Variants in CFAP263 observed in about 807,000 individuals in gnomAD.
CFAP263 encodes the protein cilia- and flagella-associated protein 263.
chr16:58,272,710 G>A, the CFAP263 span, among the ~76,000 whole-genome samples: 3 of 150,768 alleles, frequency 2.0e-5, no homozygotes, highest in African/African-American at 7.3e-5. Context: ...GTTCCAGGTT[G>A]GCCATTGGGA....
the CFAP263 span, chr16:58,252,634 A>C: frequency 1.8e-6 from 2 of 1,087,490 alleles, no homozygotes; most frequent in Non-Finnish European, 2.7e-6. Context: ...CCAAGGGGCT[A>C]ACGGGTTTTG....
the CFAP263 span, among the ~76,000 whole-genome samples, chr16:58,261,540 A>G: frequency 6.6e-6 from 1 of 152,230 alleles, no homozygotes; most frequent in Non-Finnish European, 1.5e-5. Context: ...GTATATGTGT[A>G]ATTGTATACA....
the CFAP263 span, among the ~76,000 whole-genome samples, chr16:58,261,011 G>A: frequency 0.012 from 1,864 of 152,246 alleles, 12 homozygotes; most frequent in Non-Finnish European, 0.018. Context: ...GACCAAGGAA[G>A]GGGTAGCCTT....
At chr16:58,278,085 T>TTA in the CFAP263 span, among the ~76,000 whole-genome samples, 16 of 152,074 alleles carry the variant, frequency 1.1e-4, no homozygotes, top group Non-Finnish European at 1.3e-4. Flanking sequence ...AAATTTTATG[T>TTA]TATATATATA....
At chr16:58,252,172 C>T in the CFAP263 span, among the ~76,000 whole-genome samples, 809 of 152,054 alleles carry the variant, frequency 5.3e-3, 11 homozygotes, top group East Asian at 0.056. Context: ...AGTTCATGGC[C>T]AGCCTTGACA....
chr16:58,264,784 C>T, the CFAP263 span, among the ~76,000 whole-genome samples: 1 of 152,102 alleles, frequency 6.6e-6, no homozygotes, highest in Non-Finnish European at 1.5e-5. Context: ...ATTCATTCTC[C>T]CAGCAATCAG....
the CFAP263 span, among the ~76,000 whole-genome samples, chr16:58,256,985 T>G: frequency 1.3e-5 from 2 of 150,550 alleles, no homozygotes; most frequent in African/African-American, 4.9e-5. Flanking sequence ...TCCTACAGTT[T>G]AGATAATTTT....
the CFAP263 span, chr16:58,280,231 C>T: frequency 1.3e-4 from 202 of 1,609,606 alleles, no homozygotes; most frequent in African/African-American, 2.2e-3. Flanking sequence ...GGACTAGATA[C>T]TGCTGCAAAA....
At chr16:58,268,039 GAGGA>G in the CFAP263 span, among the ~76,000 whole-genome samples, 1 of 77,958 alleles carries the variant, frequency 1.3e-5, no homozygotes, top group Admixed American at 1.0e-4. Flanking sequence ...GAAAGAGAGA[GAGGA>G]AGAGAGAGAG....
At chr16:58,258,503 G>T in the CFAP263 span, 2 of 1,613,950 alleles carry the variant, frequency 1.2e-6, no homozygotes, top group Non-Finnish European at 1.7e-6. Context: ...GAAATACATT[G>T]AGGACATGAA....
At chr16:58,277,138 A>AT in the CFAP263 span, among the ~76,000 whole-genome samples, 1 of 148,866 alleles carries the variant, frequency 6.7e-6, no homozygotes, top group South Asian at 2.1e-4. Flanking sequence ...TTTTTTTTAA[A>AT]TTTTTTTTTT....
At chr16:58,252,777 A>C in the CFAP263 span, 1 of 1,613,362 alleles carries the variant, frequency 6.2e-7, no homozygotes, top group Non-Finnish European at 8.5e-7. Flanking sequence ...GAGAAATATT[A>C]CGCTAAACTG....
At chr16:58,258,107 C>CAAAAAAAAAAAAAAAAAAAAAAAAAAA in the CFAP263 span, among the ~76,000 whole-genome samples, 1 of 82,342 alleles carries the variant, frequency 1.2e-5, no homozygotes. Context: ...GACTCTGTCT[C>CAAAAAAAAAAAAAAAAAAAAAAAAAAA]AAAAAAAAAA....
chr16:58,267,394 T>C, the CFAP263 span: 11 of 938,520 alleles, frequency 1.2e-5, no homozygotes, highest in Non-Finnish European at 1.7e-5. Context: ...CCTGCTTTTC[T>C]GTTCGTTAAC....
chr16:58,263,449 C>A, the CFAP263 span, among the ~76,000 whole-genome samples: 1 of 152,168 alleles, frequency 6.6e-6, no homozygotes, highest in African/African-American at 2.4e-5. Flanking sequence ...ACAATACCCA[C>A]AATTTTGCTT....
chr16:58,283,367 A>G, the CFAP263 span: 1 of 152,374 alleles, frequency 6.6e-6, no homozygotes, highest in East Asian at 1.9e-4. Context: ...GGTGTGTCAC[A>G]GTTAAAAACC....
At chr16:58,260,583 A>G in the CFAP263 span, among the ~76,000 whole-genome samples, 3 of 152,170 alleles carry the variant, frequency 2.0e-5, no homozygotes, top group Admixed American at 6.5e-5. Flanking sequence ...GCACAGTTAT[A>G]TGTGCTTTGG....
chr16:58,267,923 C>T, the CFAP263 span, among the ~76,000 whole-genome samples: 2 of 151,414 alleles, frequency 1.3e-5, no homozygotes, highest in African/African-American at 2.4e-5. Context: ...ATGTTTAATG[C>T]CCGTAGTAAT....
the CFAP263 span, among the ~76,000 whole-genome samples, chr16:58,252,480 C>A: frequency 6.6e-6 from 1 of 152,078 alleles, no homozygotes; most frequent in East Asian, 1.9e-4. Context: ...TTTTGTGGCT[C>A]ATTAAACATA....
Sources: gnomAD v4.1 joint callset for allele counts (sites outside exome capture counted in the v4.1 genomes callset) on GRCh38, gnomAD v4.1.1 for gene constraint, MANE v1.5 for transcripts, NCBI Gene and HGNC (gene_info 2026-07-23, HGNC 2026-07-21) for gene names.